The following PCYOX1 variants were observed in gnomAD, a reference collection of about 807,000 sequenced individuals.
PCYOX1 encodes the protein prenylcysteine oxidase 1.
Under a neutral mutation model 46.4 loss-of-function variants are expected in PCYOX1, and 46 were observed. The observed-to-expected ratio is 0.99, with a 90% CI of 0.78 to 1.27. The LOEUF (loss-of-function observed/expected upper bound fraction) is 1.27. Ranked by LOEUF, PCYOX1 falls within the 50% of genes most tolerant of loss-of-function variation. The probability of loss-of-function intolerance (pLI) is 0.00; values close to 1 mark genes in which losing one functional copy is unlikely to be tolerated. For synonymous variants in PCYOX1, 220 were observed against 231.8 expected (o/e 0.95, Z 0.46); for missense variants, 658 against 628.3 (o/e 1.05, Z -0.51).
At position 70,276,969 on chromosome 2, in the gene PCYOX1, TG is replaced by T; in HGVS notation, c.1097del (p.Gly366AlafsTer6). 6.2e-7 allele frequency: 1 copy of T among 1,613,712 alleles called. No homozygotes were observed. The highest frequency in any genetic ancestry group is 8.5e-7 in the Non-Finnish European group (1 of 1,179,594). ...IFSSRPIDKF[G>X]LNTVLTTDNS... ...TTAGCTCTAGACCCATAGATAAATT[TG>T]GCCTTAATACAGTTTTAACCACTGA... On this transcript the variant is annotated frameshift_variant, in exon 6 of 6. Coordinates refer to ENST00000433351, the MANE Select transcript of PCYOX1 (RefSeq NM_016297.4). LOFTEE classifies it high-confidence loss of function.
intron 3 of PCYOX1, among the ~76,000 whole-genome samples, chr2:70,265,226 C>G (rs1392499427): frequency 1.5e-5 from 2 of 135,386 alleles, no homozygotes; most frequent in Admixed American, 8.2e-5. Flanking sequence ...TTTTTGAGAC[C>G]AAGTCTTGCT....
rs771999006 is a variant in PCYOX1 at position 70,276,817 on chromosome 2, A to G, written c.943A>G (p.Thr315Ala). 4 of 1,613,002 alleles carry G rather than the reference A, an allele frequency of 2.5e-6. No individual in the cohort carries two copies. Reference sequence around the variant, plus strand: ...CTTCTATGACATCGTCTTGGTGGCCACTCCGTTGAATCGAAAAATGTCGAA... The same window carrying G: ...CTTCTATGACATCGTCTTGGTGGCCGCTCCGTTGAATCGAAAAATGTCGAA... ...SDFYDIVLVA[T>A]PLNRKMSNIT... The change falls in exon 6 of 6, where the codon ACT becomes GCT. Residue 315 changes from threonine to alanine, a missense_variant. Thr to Ala is a moderately conservative substitution (Grantham distance 58). Transcript: ENST00000433351.
Position 70,276,873 on chromosome 2 carries a change from TGAG to T in PCYOX1, c.1002_1004del (p.Glu335del). The T allele has an allele frequency of 6.2e-7, 1 of 1,613,418 alleles. No individual in the cohort carries two copies. The highest frequency in any genetic ancestry group is 8.5e-7 in the Non-Finnish European group (1 of 1,179,362). On this transcript the variant is annotated inframe_deletion, in exon 6 of 6. Coordinates refer to ENST00000433351, the MANE Select transcript of PCYOX1 (RefSeq NM_016297.4). ...CTTTTCTCAACTTTGATCCTCCAAT[TGAG>T]GAATTCCATCAATATTATCAACATA...
chr2:70,277,332 C>T lies in PCYOX1; in HGVS notation c.1458C>T (p.Asn486=), dbSNP rs370587943. 1.2e-5 allele frequency: 19 copies of T among 1,613,754 alleles called. No individual in the cohort carries two copies. The highest frequency in any genetic ancestry group is 4.5e-5 in the East Asian group (2 of 44,882). Residue 486 remains asparagine, a synonymous_variant, in exon 6 of 6, where the codon AAC becomes AAT. Coordinates refer to ENST00000433351, the MANE Select transcript of PCYOX1 (RefSeq NM_016297.4). ...NAALLAYHRW[N]GHTDMIDQDG... ...CACTCCTTGCCTATCACCGCTGGAA[C>T]GGGCACACAGACATGATTGATCAGG... is the stretch of plus-strand genomic sequence containing the variant.
rs1436815125 is a variant in PCYOX1 at position 70,279,221 on chromosome 2, G to C, written c.*1829G>C. On this transcript the variant is annotated 3_prime_UTR_variant, in exon 6 of 6. Transcript: ENST00000433351. ...ATGACTTCTTCCCTACCACAGTTGT[G>C]AATGTTAATATGCTGATAAAACTGC... The C allele has an allele frequency of 6.6e-6, 1 of 152,186 alleles. No individual in the cohort carries two copies. Among genetic ancestry groups the C allele is most frequent in the Non-Finnish European group, 1.5e-5 (1 of 68,048 alleles). The allele number at this position is 152,186 out of a possible 1,614,324, so 9.4% of individuals were successfully genotyped here. A position where few individuals can be genotyped will look rare whatever the true frequency, so the allele number is the denominator to read the frequency against.
At chr2:70,261,578 T>G (rs945432797) in intron 3 of PCYOX1, among the ~76,000 whole-genome samples, 192 bp downstream of exon 3, 3 of 152,236 alleles carry the variant, frequency 2.0e-5, no homozygotes, top group Non-Finnish European at 2.9e-5. Flanking sequence ...GGTTGGTTTA[T>G]TTTTGCTTCT....
Position 70,258,190 on chromosome 2 carries a change from T to A in PCYOX1, c.26T>A (p.Val9Asp). 1 of 1,597,832 alleles carries A rather than the reference T, an allele frequency of 6.3e-7. No homozygotes were observed. The highest frequency in any genetic ancestry group is 8.5e-7 in the Non-Finnish European group (1 of 1,176,338). The change falls in exon 1 of 6, where the codon GTC becomes GAC. Residue 9 changes from valine to aspartate, a missense_variant. Coordinates refer to ENST00000433351, the MANE Select transcript of PCYOX1 (RefSeq NM_016297.4). MGRVVAELVSSLLGLWLLL... is the reference protein window; with the variant it reads MGRVVAELDSSLLGLWLLL... ...ATGGGGCGCGTCGTCGCGGAGCTCG[T>A]CTCCTCGCTGCTGGGGTTGTGGCTG...
chr2:70,272,114 G>T (rs1314394789), intron 3 of PCYOX1, among the ~76,000 whole-genome samples: 2 of 151,022 alleles, frequency 1.3e-5, no homozygotes, highest in African/African-American at 4.9e-5. Context: ...TAGGAGCCTG[G>T]CTAATTTTTA....
At chr2:70,264,881 C>T (rs984919248) in intron 3 of PCYOX1, among the ~76,000 whole-genome samples, 4 of 151,752 alleles carry the variant, frequency 2.6e-5, no homozygotes, top group East Asian at 2.0e-4. Flanking sequence ...GGTGTGGAGG[C>T]GCAGCTAATG....
At chr2:70,262,350 G>A (rs889426264) in intron 3 of PCYOX1, among the ~76,000 whole-genome samples, 6 of 151,476 alleles carry the variant, frequency 4.0e-5, no homozygotes, top group African/African-American at 1.5e-4. Flanking sequence ...ATTTTTAGTA[G>A]AGATGGGGTT....
rs550511198 is a variant in PCYOX1 at position 70,277,542 on chromosome 2, G to A, written c.*150G>A. 6.1e-6 allele frequency: 4 copies of A among 650,704 alleles called. No homozygotes were observed. The highest frequency in any genetic ancestry group is 2.0e-5 in the South Asian group (1 of 50,042). The allele number at this position is 650,704 out of a possible 1,614,324, so 40.3% of individuals were successfully genotyped here. A position where few individuals can be genotyped will look rare whatever the true frequency, so the allele number is the denominator to read the frequency against. Reference sequence around the variant, plus strand: ...CCCTGCTGGTCATAGGAAAACACACGGTTCTAATTAAGTGTGAAGGTATAG... The same window carrying A: ...CCCTGCTGGTCATAGGAAAACACACAGTTCTAATTAAGTGTGAAGGTATAG... On this transcript the variant is annotated 3_prime_UTR_variant, in exon 6 of 6. Coordinates refer to ENST00000433351, the MANE Select transcript of PCYOX1 (RefSeq NM_016297.4).
intron 3 of PCYOX1, among the ~76,000 whole-genome samples, chr2:70,271,556 C>A (rs926971805): frequency 6.6e-6 from 1 of 152,024 alleles, no homozygotes; most frequent in South Asian, 2.1e-4. Flanking sequence ...GAAAAAAACT[C>A]AGCGATAATT....
rs1404361307 is a variant in PCYOX1, at chr2:70,258,350, C to T, written c.112+74C>T. 3.3e-6 allele frequency: 3 copies of T among 922,120 alleles called. No individual in the cohort carries two copies. In the African/African-American group the frequency reaches 5.3e-5, roughly 16 times the overall value. 57.1% of individuals were successfully genotyped at this position (922,120 alleles called of 1,614,324 possible). On this transcript the variant is annotated intron_variant, in intron 1 of 5. Coordinates refer to ENST00000433351, the MANE Select transcript of PCYOX1 (RefSeq NM_016297.4). The stretch of plus-strand genomic sequence containing the variant: ...CCGGGCGGCCGCTGCGCAGTGCGCC[C>T]AGATCCCACAGCCGCGACGCAGTCC...
intron 3 of PCYOX1, 29 bp from the exon 4 acceptor site, chr2:70,274,930 A>G: frequency 1.5e-6 from 2 of 1,330,304 alleles, no homozygotes; most frequent in Non-Finnish European, 2.2e-6. Flanking sequence ...CTTGTTTGGT[A>G]TTTAATGGAT....
Position 70,259,567 on chromosome 2 carries a change from G to A in PCYOX1, c.319+1G>A, listed in dbSNP as rs1696404524. ...ATGAAACGTTTTGTCAAAGACCTGG[G>A]TATGTAATTTTGGTCTTGGAGCTCA... On this transcript the variant is annotated splice_donor_variant, in intron 2 of 5. Transcript: ENST00000433351. LOFTEE classifies it high-confidence loss of function. 6.2e-7 allele frequency: 1 copy of A among 1,609,958 alleles called. No individual in the cohort carries two copies.
Position 70,275,091 on chromosome 2 carries a change from T to G in PCYOX1, c.627T>G (p.Ser209=). 1 of 1,614,208 alleles carries G rather than the reference T, an allele frequency of 6.2e-7. No individual in the cohort carries two copies. The highest frequency in any genetic ancestry group is 1.1e-5 in the South Asian group (1 of 91,088). Residue 209 remains serine, a synonymous_variant, in exon 4 of 6, where the codon TCT becomes TCG. Coordinates refer to ENST00000433351, the MANE Select transcript of PCYOX1 (RefSeq NM_016297.4). ...AAACCTTGCAAAAGGCCGGCTTTTC[T>G]GAGAAGTTCCTCAATGAAATGATTG... ...LLETLQKAGF[S]EKFLNEMIAP... is the part of the protein sequence containing the mutation.
chr2:70,263,698 C>T (rs1390785560), intron 3 of PCYOX1, among the ~76,000 whole-genome samples: 1 of 150,768 alleles, frequency 6.6e-6, no homozygotes, highest in Non-Finnish European at 1.5e-5. Context: ...CTCGTTTTGT[C>T]GCCCAGGCTG....
rs558538506 is a variant in PCYOX1 at position 70,259,341 on chromosome 2, C to T, written c.113-19C>T. On this transcript the variant is annotated intron_variant, in intron 1 of 5. Coordinates refer to ENST00000433351, the MANE Select transcript of PCYOX1 (RefSeq NM_016297.4). ...TGGTAAAAGGGGAAAATATAATCTT[C>T]TGTTTTTTTCCCTCATAGCGATTAT... The T allele has an allele frequency of 4.6e-5, 73 of 1,600,022 alleles. No individual in the cohort carries two copies. In the Admixed American group the frequency reaches 6.2e-4, roughly 14 times the overall value.
At chr2:70,272,977 C>T (rs1696622075) in intron 3 of PCYOX1, among the ~76,000 whole-genome samples, 1 of 152,092 alleles carries the variant, frequency 6.6e-6, no homozygotes, top group Admixed American at 6.6e-5. Flanking sequence ...GGATTACAGG[C>T]ATGAGCCACC....
Sources: gnomAD v4.1 joint callset for allele counts (sites outside exome capture counted in the v4.1 genomes callset) on GRCh38, gnomAD v4.1.1 for gene constraint, MANE v1.5 for transcripts, NCBI Gene and HGNC (gene_info 2026-07-23, HGNC 2026-07-21) for gene names.